The following ERICH3 variants were observed in gnomAD, a reference collection of about 807,000 sequenced individuals.
ERICH3 encodes the protein glutamate rich 3, also known as glutamate-rich protein 3.
ERICH3 carries 126 observed loss-of-function variants against 131.1 expected under a neutral mutation model. The observed-to-expected ratio is 0.96, with a 90% CI of 0.83 to 1.11. The LOEUF is 1.11. ERICH3 is among the 50% of genes most tolerant of loss of function. ERICH3 has a pLI of 0.00. For synonymous variants in ERICH3, 695 were observed against 644.6 expected (o/e 1.08, Z -1.18); for missense variants, 2,050 against 1,810.7 (o/e 1.13, Z -2.40).
rs371619148 is a variant in ERICH3 at position 74,568,759 on chromosome 1, G to A, written c.*1699C>T. The A allele has an allele frequency of 1.3e-5, 2 of 152,170 alleles. No individual in the cohort carries two copies. The highest frequency in any genetic ancestry group is 1.9e-4 in the East Asian group (1 of 5,200). 9.4% of individuals were successfully genotyped at this position (152,170 alleles called of 1,614,324 possible). A position where few individuals can be genotyped will look rare whatever the true frequency, so the allele number is the denominator to read the frequency against. On this transcript the variant is annotated 3_prime_UTR_variant, in exon 15 of 15. Coordinates refer to ENST00000326665, the MANE Select transcript of ERICH3 (RefSeq NM_001002912.5). ...AGAGAGACATAGAGAGGCAAAGAAA[G>A]AAAGTTCAAAATGCCTCTGTAGTTG...
At chr1:74,575,204 C>A (rs774246770) in intron 13 of ERICH3, among the ~76,000 whole-genome samples, 4 of 152,150 alleles carry the variant, frequency 2.6e-5, no homozygotes, top group Admixed American at 6.5e-5. Flanking sequence ...ACACGGTTAT[C>A]GTTTGTTGCA....
At chr1:74,665,212 C>CA (rs111770951) in intron 1 of ERICH3, among the ~76,000 whole-genome samples, 32,762 of 143,686 alleles carry the variant, frequency 0.23, 5,311 homozygotes, top group African/African-American at 0.47. Flanking sequence ...GACTCCGTCT[C>CA]AAAAAAAAAA....
At chr1:74,654,716 A>G (rs1271488057) in intron 1 of ERICH3, among the ~76,000 whole-genome samples, 1 of 152,122 alleles carries the variant, frequency 6.6e-6, no homozygotes, top group Non-Finnish European at 1.5e-5. Flanking sequence ...TTAGGGTTTC[A>G]ACATATGAAT....
In ERICH3 at chr1:74,594,273, C is replaced by CGTGTGTGTGTGTGTGT. The variant is rs10655150; in HGVS notation, c.1727-4209_1727-4194dup. On this transcript the variant is annotated intron_variant, in intron 11 of 14. Coordinates refer to ENST00000326665, the MANE Select transcript of ERICH3 (RefSeq NM_001002912.5). ...TGTGGGGACACTCACAAAAATGGGGCGTGTGTGTGTGTGTGTGTGTGTGTG... is the reference window on the plus strand; with the variant it reads ...TGTGGGGACACTCACAAAAATGGGGCGTGTGTGTGTGTGTGTGTGTGTGTGTGTGTGTGTGTGTGTG... Among the ~76,000 whole-genome samples the CGTGTGTGTGTGTGTGT allele has an allele frequency of 4.5e-3, 656 of 144,882 alleles. 4 individuals are homozygous for CGTGTGTGTGTGTGTGT. Among genetic ancestry groups the CGTGTGTGTGTGTGTGT allele is most frequent in the African/African-American group, 0.016 (625 of 39,664 alleles).
chr1:74,584,294 G>A (rs866538571), intron 12 of ERICH3, among the ~76,000 whole-genome samples: 4 of 152,232 alleles, frequency 2.6e-5, no homozygotes, highest in South Asian at 4.2e-4. Context: ...TAATCTTTTC[G>A]AAACATTCAG....
intron 12 of ERICH3, among the ~76,000 whole-genome samples, chr1:74,577,791 A>G (rs1421787499): frequency 6.6e-6 from 1 of 152,212 alleles, no homozygotes; most frequent in Non-Finnish European, 1.5e-5. Flanking sequence ...AATAATTGAA[A>G]AAAACAGTTT....
intron 6 of ERICH3, among the ~76,000 whole-genome samples, chr1:74,633,473 A>G (rs1646360689): frequency 6.6e-6 from 1 of 152,000 alleles, no homozygotes; most frequent in Admixed American, 6.6e-5. Flanking sequence ...ATTTAAAACA[A>G]AATTATTTCT....
chr1:74,609,509 T>A (rs2100592628), intron 9 of ERICH3, among the ~76,000 whole-genome samples: 1 of 152,110 alleles, frequency 6.6e-6, no homozygotes, highest in East Asian at 1.9e-4. Flanking sequence ...AGTTCTCAAC[T>A]CTCCATGGAG....
intron 1 of ERICH3, among the ~76,000 whole-genome samples, chr1:74,651,899 C>T (rs1646537977): frequency 1.3e-5 from 2 of 152,090 alleles, no homozygotes; most frequent in Admixed American, 1.3e-4. Context: ...TTTGGTAGCA[C>T]CTGATTTTAA....
chr1:74,573,639 C>T (rs567777056), intron 13 of ERICH3, 148 bp from the exon 14 acceptor site: 8 of 991,940 alleles, frequency 8.1e-6, no homozygotes, highest in Non-Finnish European at 1.0e-5. Flanking sequence ...AACACTTTCT[C>T]CATTGTTTCT....
chr1:74,573,754 C>T (rs1322201969), intron 13 of ERICH3, among the ~76,000 whole-genome samples: 1 of 152,024 alleles, frequency 6.6e-6, no homozygotes, highest in Non-Finnish European at 1.5e-5. Context: ...AAAAGCTGAT[C>T]ATCAGAGATG....
At chr1:74,582,107 T>C (rs766421555) in intron 12 of ERICH3, among the ~76,000 whole-genome samples, 19 of 152,176 alleles carry the variant, frequency 1.2e-4, no homozygotes, top group Non-Finnish European at 2.4e-4. Flanking sequence ...TGACTTTTTG[T>C]TGGTGTTGCC....
At chr1:74,595,008 G>A (rs1189361406) in intron 11 of ERICH3, among the ~76,000 whole-genome samples, 6 of 152,040 alleles carry the variant, frequency 3.9e-5, no homozygotes, top group Non-Finnish European at 2.9e-5. Context: ...CAACCCAGTG[G>A]ATCCAATATG....
At chr1:74,579,027 A>G (rs895661430) in intron 12 of ERICH3, among the ~76,000 whole-genome samples, 2 of 152,220 alleles carry the variant, frequency 1.3e-5, no homozygotes, top group African/African-American at 4.8e-5. Context: ...AAAGTTTTTT[A>G]CAATAAGAGT....
chr1:74,653,899 T>G (rs699858), intron 1 of ERICH3, among the ~76,000 whole-genome samples: 38 of 152,162 alleles, frequency 2.5e-4, no homozygotes, highest in African/African-American at 8.4e-4. Flanking sequence ...TCAGTTCAAT[T>G]CTGGCTCCAC....
chr1:74,637,192 T>C (rs749374308), intron 5 of ERICH3, among the ~76,000 whole-genome samples: 5 of 152,136 alleles, frequency 3.3e-5, no homozygotes, highest in Non-Finnish European at 7.3e-5. Context: ...TGACAGGCAC[T>C]AGCAAGAGAT....
At position 74,589,708 on chromosome 1, in the gene ERICH3, T is replaced by C. The variant is rs765046970; in HGVS notation, c.2099A>G (p.Asp700Gly). The C allele has an allele frequency of 6.2e-7, 1 of 1,614,108 alleles. No individual in the cohort carries two copies. Among genetic ancestry groups the C allele is most frequent in the Non-Finnish European group, 8.5e-7 (1 of 1,179,968 alleles). The change falls in exon 12 of 15, where the codon GAT becomes GGT. Residue 700 changes from aspartate to glycine, a missense_variant. Physicochemically the swap from Asp to Gly is moderately conservative, Grantham distance 94 (BLOSUM62 -1). Coordinates refer to ENST00000326665, the MANE Select transcript of ERICH3 (RefSeq NM_001002912.5). ...KHVSAEEKEK[D>G]KSKLWEESTA... Reference sequence around the variant, plus strand: ...GCTTTCTTCCCAAAGCTTACTCTTATCCTTTTCCTTTTCTTCTGCAGAAAC... The same window carrying C: ...GCTTTCTTCCCAAAGCTTACTCTTACCCTTTTCCTTTTCTTCTGCAGAAAC...
At chr1:74,571,052 C>A in intron 14 of ERICH3, 47 bp downstream of exon 14, 3 of 1,550,602 alleles carry the variant, frequency 1.9e-6, no homozygotes, top group Admixed American at 1.8e-5. Context: ...GGAGACCCAC[C>A]GCAGGGCTGC....
intron 3 of ERICH3, among the ~76,000 whole-genome samples, chr1:74,643,350 C>A (rs1470456615): frequency 6.6e-6 from 1 of 151,942 alleles, no homozygotes; most frequent in African/African-American, 2.4e-5. Flanking sequence ...ACTTCTAAAC[C>A]TGTGGGAAAT....
Sources: gnomAD v4.1 joint callset for allele counts (sites outside exome capture counted in the v4.1 genomes callset) on GRCh38, gnomAD v4.1.1 for gene constraint, MANE v1.5 for transcripts, NCBI Gene and HGNC (gene_info 2026-07-23, HGNC 2026-07-21) for gene names.